The following LIN52 variants were observed in gnomAD, a reference collection of about 807,000 sequenced individuals.
The protein encoded by LIN52 is protein lin-52 homolog.
LIN52 carries 4 observed loss-of-function variants against 18.5 expected under a neutral mutation model. That is an observed-to-expected ratio of 0.22 (90% confidence interval 0.11 to 0.49). The LOEUF (loss-of-function observed/expected upper bound fraction) is 0.49. LIN52 is among the 20% of genes least tolerant of loss of function. LIN52 has a pLI of 0.97. For synonymous variants in LIN52, 34 were observed against 45.5 expected, an observed-to-expected ratio of 0.75 and a Z score of 1.02; for missense variants, 102 against 139.5, an observed-to-expected ratio of 0.73 and a Z score of 1.35.
At chr14:74,188,942 C>T (rs1464079691) in intron 5 of LIN52, among the ~76,000 whole-genome samples, 1 of 152,168 alleles carries the variant, frequency 6.6e-6, no homozygotes, top group African/African-American at 2.4e-5. Context: ...ACTAGGCCTT[C>T]ATCATCCCTA....
intron 5 of LIN52, among the ~76,000 whole-genome samples, chr14:74,187,369 C>T (rs2061345382): frequency 6.6e-6 from 1 of 152,116 alleles, no homozygotes; most frequent in South Asian, 2.1e-4. Context: ...TTTTGATTCT[C>T]ATTTTAACCT....
At chr14:74,162,050 G>A (rs905536574) in intron 5 of LIN52, among the ~76,000 whole-genome samples, 1 of 152,144 alleles carries the variant, frequency 6.6e-6, no homozygotes, top group Admixed American at 6.5e-5. Flanking sequence ...CTGGCACAGT[G>A]AGTAAAATTT....
intron 5 of LIN52, among the ~76,000 whole-genome samples, chr14:74,134,231 T>C (rs2061084954): frequency 6.6e-6 from 1 of 152,216 alleles, no homozygotes; most frequent in African/African-American, 2.4e-5. Flanking sequence ...GATAAACATG[T>C]CCATAAAGTC....
At chr14:74,144,568 A>G (rs7152352) in intron 5 of LIN52, among the ~76,000 whole-genome samples, 100,867 of 151,964 alleles carry the variant, frequency 0.66, 33,661 homozygotes, top group East Asian at 0.68. Flanking sequence ...TATTAAATAT[A>G]AGGTCTATGA....
chr14:74,164,549 GT>G (rs1482967780), intron 5 of LIN52, among the ~76,000 whole-genome samples: 7 of 152,020 alleles, frequency 4.6e-5, no homozygotes, highest in African/African-American at 1.7e-4. Flanking sequence ...GGCTCCCAAA[GT>G]GCTGGGATTA....
intron 5 of LIN52, among the ~76,000 whole-genome samples, chr14:74,156,981 C>G (rs1232256536): frequency 6.7e-6 from 1 of 150,266 alleles, no homozygotes; most frequent in Non-Finnish European, 1.5e-5. Context: ...AAATTTCATT[C>G]TTTTGTATGG....
intron 5 of LIN52, among the ~76,000 whole-genome samples, chr14:74,195,253 G>A (rs1343348248): frequency 6.6e-6 from 1 of 152,084 alleles, no homozygotes; most frequent in African/African-American, 2.4e-5. Flanking sequence ...AATACATTAT[G>A]GGGAACAAAG....
intron 5 of LIN52, among the ~76,000 whole-genome samples, chr14:74,163,929 A>G (rs952155010): frequency 2.0e-5 from 3 of 152,106 alleles, no homozygotes; most frequent in African/African-American, 7.2e-5. Flanking sequence ...GTTAAAACAC[A>G]ATGGTTACTC....
At chr14:74,129,769 A>C (rs1396194215) in intron 5 of LIN52, among the ~76,000 whole-genome samples, 3 of 152,160 alleles carry the variant, frequency 2.0e-5, no homozygotes, top group African/African-American at 7.2e-5. Context: ...GATTCCTTGA[A>C]TCCAGGAATT....
intron 2 of LIN52, among the ~76,000 whole-genome samples, chr14:74,092,245 T>A (rs1016540032): frequency 6.6e-6 from 1 of 150,978 alleles, no homozygotes; most frequent in Non-Finnish European, 1.5e-5. Context: ...GTGCTGGGAT[T>A]ACAGGTGTGA....
chr14:74,154,349 A>G (rs1325587213), intron 5 of LIN52, among the ~76,000 whole-genome samples: 1 of 152,186 alleles, frequency 6.6e-6, no homozygotes, highest in Non-Finnish European at 1.5e-5. Flanking sequence ...AAACCAGGCT[A>G]TATGTGGAGG....
At chr14:74,146,467 T>C (rs771163329) in intron 5 of LIN52, among the ~76,000 whole-genome samples, 15 of 152,196 alleles carry the variant, frequency 9.9e-5, no homozygotes, top group Non-Finnish European at 1.6e-4. Context: ...AGTGAATTGC[T>C]CTTCCAGTGT....
At chr14:74,182,386 A>G (rs976489164) in intron 5 of LIN52, among the ~76,000 whole-genome samples, 4 of 152,216 alleles carry the variant, frequency 2.6e-5, no homozygotes, top group Non-Finnish European at 5.9e-5. Context: ...TTTATTGTTC[A>G]GTCAGGTTGA....
At chr14:74,116,130 C>G (rs1275467193) in intron 5 of LIN52, among the ~76,000 whole-genome samples, 1 of 152,086 alleles carries the variant, frequency 6.6e-6, no homozygotes, top group East Asian at 1.9e-4. Flanking sequence ...TGGTGAAACC[C>G]TGTCTCTACT....
At chr14:74,145,141 A>G (rs545330658) in intron 5 of LIN52, among the ~76,000 whole-genome samples, 51 of 152,328 alleles carry the variant, frequency 3.3e-4, no homozygotes, top group African/African-American at 1.2e-3. Flanking sequence ...TTAAAGCTCT[A>G]TCCATTGATC....
rs1365893073 is a variant in LIN52 at position 74,094,331 on chromosome 14, CT to C, written c.95-1616del. Among the ~76,000 whole-genome samples the C allele has an allele frequency of 3.3e-5, 5 of 151,968 alleles. No homozygotes were observed. In the South Asian group the frequency reaches 1.0e-3, roughly 32 times the overall value. ...GCTTTGTGCAGTGGCGTGATCACAGCTGACTGCAGCCTCAACCTCCTGGGCT... is the reference window on the plus strand; with the variant it reads ...GCTTTGTGCAGTGGCGTGATCACAGCGACTGCAGCCTCAACCTCCTGGGCT... On this transcript the variant is annotated intron_variant, in intron 2 of 5. Transcript: ENST00000555028.
chr14:74,187,821 C>T (rs1313299611), intron 5 of LIN52, among the ~76,000 whole-genome samples: 1 of 152,124 alleles, frequency 6.6e-6, no homozygotes, highest in African/African-American at 2.4e-5. Context: ...CCAGCACTTA[C>T]TGAGCACTTA....
rs569873023 is a variant in LIN52 at position 74,199,476 on chromosome 14, A to C, written c.*499A>C. The C allele has an allele frequency of 2.0e-5, 3 of 152,620 alleles. No homozygotes were observed. The highest frequency in any genetic ancestry group is 7.2e-5 in the African/African-American group (3 of 41,472). The allele number at this position is 152,620 out of a possible 1,614,324, so 9.5% of individuals were successfully genotyped here. Reference sequence around the variant, plus strand: ...CAGCCTGACCTGTGAACTCTCCAGTATATACTAAGTTCCCAGAATCCCCAG... The same window carrying C: ...CAGCCTGACCTGTGAACTCTCCAGTCTATACTAAGTTCCCAGAATCCCCAG... On this transcript the variant is annotated 3_prime_UTR_variant, in exon 6 of 6. Transcript: ENST00000555028.
intron 5 of LIN52, among the ~76,000 whole-genome samples, chr14:74,152,603 T>C (rs918417237): frequency 2.6e-5 from 4 of 151,972 alleles, no homozygotes; most frequent in Non-Finnish European, 4.4e-5. Context: ...CCTTTGCTTT[T>C]AGTTTATTAT....
Sources: gnomAD v4.1 joint callset for allele counts (sites outside exome capture counted in the v4.1 genomes callset) on GRCh38, gnomAD v4.1.1 for gene constraint, MANE v1.5 for transcripts, NCBI Gene and HGNC (gene_info 2026-07-23, HGNC 2026-07-21) for gene names.